Variants in ATP2B2 observed in about 807,000 individuals in gnomAD.
ATP2B2 encodes plasma membrane calcium-transporting ATPase 2.
Under a neutral mutation model 120.0 loss-of-function variants are expected in ATP2B2, and 15 were observed. The ratio of observed to expected loss-of-function variants is 0.12; its 90% CI spans 0.08 to 0.19. The LOEUF (loss-of-function observed/expected upper bound fraction) is 0.19. Among genes scored for constraint, ATP2B2 ranks in the 10% least tolerant of loss-of-function variants. The probability of loss-of-function intolerance (pLI) is 1.00; values close to 1 mark genes in which losing one functional copy is unlikely to be tolerated. For synonymous variants in ATP2B2, 694 were observed against 700.3 expected, an observed-to-expected ratio of 0.99 and a Z score of 0.14; for missense variants, 1,045 against 1,719.8, an observed-to-expected ratio of 0.61 and a Z score of 6.94.
intron 2 of ATP2B2, among the ~76,000 whole-genome samples, chr3:10,432,325 T>C (rs2063342094): frequency 6.6e-6 from 1 of 152,180 alleles, no homozygotes; most frequent in African/African-American, 2.4e-5. Context: ...GAGATCTCCA[T>C]CAGCCTCCCA....
At chr3:10,407,489 T>G (rs574404405) in intron 3 of ATP2B2, among the ~76,000 whole-genome samples, 27 of 152,178 alleles carry the variant, frequency 1.8e-4, no homozygotes, top group Non-Finnish European at 3.8e-4. Flanking sequence ...CTGTAGAACT[T>G]CCTGAGTCTG....
intron 1 of ATP2B2, among the ~76,000 whole-genome samples, chr3:10,665,529 C>T (rs2125685110): frequency 1.3e-5 from 2 of 152,136 alleles, no homozygotes; most frequent in Middle Eastern, 3.4e-3. Flanking sequence ...TGGGAGAGAC[C>T]CTTATCTGGT....
At chr3:10,703,165 C>A (rs962795163) in intron 1 of ATP2B2, among the ~76,000 whole-genome samples, 4 of 152,202 alleles carry the variant, frequency 2.6e-5, no homozygotes, top group African/African-American at 7.2e-5. Flanking sequence ...CCTTTGCCCG[C>A]CCCTTTCCTG....
At position 10,402,130 on chromosome 3, in the gene ATP2B2, C is replaced by G. The variant is rs189987955; in HGVS notation, c.616G>C (p.Ala206Pro). Residue 206 changes from alanine (A) to proline (P), a missense_variant, in exon 4 of 23, where the codon GCT (alanine) becomes CCT (proline). This residue lies in a region of ATP2B2 where 35 missense variants were observed against 29.9 expected (regional missense o/e 1.17). Transcript: ENST00000360273. This position sits in a 1 kb window ranked among gnomAD's most constrained non-coding sequence, Gnocchi z 4.9. ...RAGQVVQIPV[A>P]EIVVGDIAQV... ...GCTATGTCCCCAACCACGATCTCAG[C>G]CACAGGGATCTGGACCACCTGGCCA... 4 of 1,614,074 alleles carry G rather than the reference C, an allele frequency of 2.5e-6. No individual in the cohort carries two copies. In the African/African-American group the frequency reaches 5.3e-5, roughly 22 times the overall value.
At chr3:10,643,943 G>C (rs1167855935) in intron 1 of ATP2B2, among the ~76,000 whole-genome samples, 11 of 152,156 alleles carry the variant, frequency 7.2e-5, no homozygotes, top group Non-Finnish European at 1.2e-4. Flanking sequence ...TTAAAATAAA[G>C]CACTTTCATT....
intron 2 of ATP2B2, among the ~76,000 whole-genome samples, chr3:10,606,978 GAA>G (rs1481410905): frequency 2.1e-4 from 10 of 48,128 alleles, no homozygotes; most frequent in African/African-American, 2.9e-4. Flanking sequence ...GAGAGAGAGA[GAA>G]AGAAAGAGAG....
intron 2 of ATP2B2, among the ~76,000 whole-genome samples, chr3:10,433,999 T>C (rs542354661): frequency 6.6e-6 from 1 of 152,292 alleles, no homozygotes; most frequent in Non-Finnish European, 1.5e-5. Flanking sequence ...TAGCACCAAG[T>C]AGTTACCCAA....
rs537115397 is a variant in ATP2B2 at position 10,470,867 on chromosome 3, C to T, written c.-319-21005G>A. Among the ~76,000 whole-genome samples, 7 of 152,258 alleles carry T rather than the reference C, an allele frequency of 4.6e-5. No individual in the cohort carries two copies. In the South Asian group the frequency reaches 1.0e-3, roughly 23 times the overall value. On this transcript the variant is annotated intron_variant, in intron 1 of 22. Coordinates refer to ENST00000360273, the MANE Select transcript of ATP2B2 (RefSeq NM_001001331.4). The stretch of plus-strand genomic sequence containing the variant: ...CCTCAGTTCCCCCACCCCCATGTCT[C>T]GTAACCTGAGACAGGGACATGCAGG...
At chr3:10,575,393 T>C (rs867228955) in intron 2 of ATP2B2, among the ~76,000 whole-genome samples, 29 of 152,104 alleles carry the variant, frequency 1.9e-4, no homozygotes, top group African/African-American at 7.2e-5. Context: ...AAGAGGTCAT[T>C]GGGAAAATGA....
At chr3:10,446,231 G>A (rs910115664) in intron 2 of ATP2B2, among the ~76,000 whole-genome samples, 7 of 152,200 alleles carry the variant, frequency 4.6e-5, no homozygotes, top group East Asian at 1.9e-4. Context: ...CAACCTTTCC[G>A]GAGAACGTGC....
intron 5 of ATP2B2, among the ~76,000 whole-genome samples, chr3:10,394,870 C>G (rs879568354): frequency 4.6e-5 from 7 of 152,042 alleles, no homozygotes; most frequent in Admixed American, 4.6e-4. Context: ...ATCCTGGCCC[C>G]CTGGCTCCAG....
intron 8 of ATP2B2, among the ~76,000 whole-genome samples, chr3:10,385,050 CT>C (rs2061634518): frequency 6.6e-6 from 1 of 152,226 alleles, no homozygotes; most frequent in Admixed American, 6.5e-5. Flanking sequence ...GAGCCAGCAC[CT>C]TTTTGGCAGC....
At chr3:10,612,064 AC>A (rs1169698756) in intron 2 of ATP2B2, among the ~76,000 whole-genome samples, 4 of 152,026 alleles carry the variant, frequency 2.6e-5, no homozygotes, top group Non-Finnish European at 5.9e-5. Context: ...CTCCTCTCCA[AC>A]CACACTCTGA....
At chr3:10,513,492 C>A (rs921865837) in intron 3 of ATP2B2, among the ~76,000 whole-genome samples, 7 of 151,984 alleles carry the variant, frequency 4.6e-5, no homozygotes, top group African/African-American at 1.7e-4. Flanking sequence ...GGATGGAACC[C>A]GAAGATGAAC....
In ATP2B2 at chr3:10,382,513, A is replaced by ATTT. The variant is rs35821909; in HGVS notation, c.1000+2752_1000+2754dup. Among the ~76,000 whole-genome samples the ATTT allele has an allele frequency of 5.1e-3, 715 of 141,298 alleles. 11 individuals are homozygous for ATTT. The highest frequency in any genetic ancestry group is 0.028 in the South Asian group (120 of 4,352). 92.7% of individuals were successfully genotyped at this position (141,298 alleles called of 152,430 possible). ...AGGTGCCCACTACCATGACCGGCTAATTTTTTTTTTTTTTTGTATTTTTAG... is the reference window on the plus strand; with the variant it reads ...AGGTGCCCACTACCATGACCGGCTAATTTTTTTTTTTTTTTTTTGTATTTTTAG... On this transcript the variant is annotated intron_variant, in intron 8 of 22. Transcript: ENST00000360273.
At chr3:10,416,873 C>A (rs1180461335) in intron 2 of ATP2B2, among the ~76,000 whole-genome samples, 5 of 152,224 alleles carry the variant, frequency 3.3e-5, no homozygotes, top group Middle Eastern at 3.4e-3. Context: ...AGTTGCACAG[C>A]GGCCAGGCAG....
chr3:10,448,942 A>T (rs1559351273), intron 2 of ATP2B2, among the ~76,000 whole-genome samples: 1 of 152,216 alleles, frequency 6.6e-6, no homozygotes, highest in Non-Finnish European at 1.5e-5. Context: ...CGGGGAAAGC[A>T]AAAGCCCCTC....
chr3:10,599,431 C>T (rs1340758929), intron 2 of ATP2B2, among the ~76,000 whole-genome samples: 1 of 152,198 alleles, frequency 6.6e-6, no homozygotes, highest in Admixed American at 6.5e-5. Context: ...TGCAGGGGCT[C>T]CCTCCAGCCC....
chr3:10,449,620 G>A lies in ATP2B2; in HGVS notation c.-77C>T. ...AGGCTGCCGGGTGATGGCTGCTTGTGGCTGTCCTCAGCACACCCTCACTGG... is the reference window on the plus strand; with the variant it reads ...AGGCTGCCGGGTGATGGCTGCTTGTAGCTGTCCTCAGCACACCCTCACTGG... On this transcript the variant is annotated 5_prime_UTR_variant, in exon 2 of 23. Coordinates refer to ENST00000360273, the MANE Select transcript of ATP2B2 (RefSeq NM_001001331.4). 1 of 1,561,814 alleles carries A rather than the reference G, an allele frequency of 6.4e-7. No homozygotes were observed. Among genetic ancestry groups the A allele is most frequent in the Non-Finnish European group, 8.8e-7 (1 of 1,135,038 alleles).
Sources: gnomAD v4.1 joint callset for allele counts (sites outside exome capture counted in the v4.1 genomes callset) on GRCh38, gnomAD v4.1.1 for gene constraint, gnomAD v4.1.1 regional missense constraint, Gnocchi (gnomAD v3.1) non-coding constraint, MANE v1.5 for transcripts, NCBI Gene and HGNC (gene_info 2026-07-23, HGNC 2026-07-21) for gene names.